FAM135B: variants seen among roughly 807,000 people sequenced by gnomAD.
FAM135B encodes the protein protein FAM135B.
Under a neutral mutation model 127.7 loss-of-function variants are expected in FAM135B, and 43 were observed. That is an observed-to-expected ratio of 0.34 (90% CI 0.26 to 0.43). The LOEUF (loss-of-function observed/expected upper bound fraction) is 0.43, where lower values mean the gene tolerates loss of function less well. Ranked by LOEUF, FAM135B falls within the 20% of genes least tolerant of loss-of-function variation. The pLI is 1.00. For synonymous variants in FAM135B, 670 were observed against 665.1 expected (o/e 1.01, Z -0.11); for missense variants, 1,558 against 1,725.6 (o/e 0.90, Z 1.72).
chr8:138,393,270 G>A (rs753740928), intron 1 of FAM135B, among the ~76,000 whole-genome samples: 1 of 152,054 alleles, frequency 6.6e-6, no homozygotes, highest in Non-Finnish European at 1.5e-5. Flanking sequence ...ACCACATCAG[G>A]TGTTTCTTCC....
Position 138,152,781 on chromosome 8 carries a change from C to T in FAM135B, c.1694G>A (p.Arg565Lys), listed in dbSNP as rs777160080. The T allele has an allele frequency of 1.9e-6, 3 of 1,614,190 alleles. No individual in the cohort carries two copies. Among genetic ancestry groups the T allele is most frequent in the South Asian group, 1.1e-5 (1 of 91,088 alleles). The change falls in exon 13 of 20, where the codon AGA becomes AAA. Residue 565 changes from arginine (R) to lysine (K), a missense_variant. Around this residue, in one of 5 missense-constraint regions of FAM135B, gnomAD observed 923 missense variants for 865.3 expected, o/e 1.07. Coordinates refer to ENST00000395297, the MANE Select transcript of FAM135B (RefSeq NM_015912.4). ...ATTGAAGGCCACCAGGGGTTCAGCT[C>T]TGGAGGGGTTCTTATTGCTAGATTT... ...DVKSSNKNPSRAEPLVAFNAQ... is the reference protein window; with the variant it reads ...DVKSSNKNPSKAEPLVAFNAQ...
intron 1 of FAM135B, among the ~76,000 whole-genome samples, chr8:138,393,139 G>A (rs1832674790): frequency 6.6e-6 from 1 of 152,112 alleles, no homozygotes; most frequent in African/African-American, 2.4e-5. Flanking sequence ...ACTATCACCA[G>A]AACAGCATGG....
At chr8:138,263,104 G>T (rs536254794) in intron 4 of FAM135B, among the ~76,000 whole-genome samples, 45 of 152,030 alleles carry the variant, frequency 3.0e-4, no homozygotes, top group African/African-American at 1.1e-3. Context: ...TGCTGGCAAA[G>T]GTTTAACAAC....
At chr8:138,374,187 C>G (rs1217560682) in intron 1 of FAM135B, among the ~76,000 whole-genome samples, 1 of 152,158 alleles carries the variant, frequency 6.6e-6, no homozygotes, top group African/African-American at 2.4e-5. Flanking sequence ...TGTACTCTGT[C>G]CCTTTATTTC....
chr8:138,369,329 C>T (rs1462902971), intron 1 of FAM135B, among the ~76,000 whole-genome samples: 3 of 152,094 alleles, frequency 2.0e-5, no homozygotes, highest in Non-Finnish European at 4.4e-5. Flanking sequence ...CCTCTTACTG[C>T]CCCCAGATGC....
intron 2 of FAM135B, among the ~76,000 whole-genome samples, chr8:138,356,507 A>T (rs1036901464): frequency 3.9e-5 from 6 of 152,152 alleles, no homozygotes; most frequent in Admixed American, 6.5e-5. Context: ...ACAGAATTTC[A>T]AAATTTTTCT....
At chr8:138,442,267 T>TATATATATATATATATACATATATAC (rs34280434) in intron 1 of FAM135B, among the ~76,000 whole-genome samples, 1 of 86,762 alleles carries the variant, frequency 1.2e-5, no homozygotes, top group African/African-American at 4.5e-5. Context: ...TATATATATA[T>TATATATATATATATATACATATATAC]ATATATATAT....
intron 2 of FAM135B, among the ~76,000 whole-genome samples, chr8:138,344,209 G>T (rs1489615455): frequency 1.3e-5 from 2 of 152,232 alleles, no homozygotes; most frequent in Admixed American, 6.5e-5. Flanking sequence ...AAGATAAGAA[G>T]TGTCAAGGGA....
intron 1 of FAM135B, among the ~76,000 whole-genome samples, chr8:138,381,007 C>A (rs1193191804): frequency 6.6e-6 from 1 of 151,988 alleles, no homozygotes; most frequent in Non-Finnish European, 1.5e-5. Context: ...AGAACATTTG[C>A]ATGGTTTGGG....
chr8:138,444,650 C>A (rs1836002067), intron 1 of FAM135B, among the ~76,000 whole-genome samples: 1 of 152,104 alleles, frequency 6.6e-6, no homozygotes, highest in Admixed American at 6.5e-5. Context: ...ACATTTAAAG[C>A]AGTGTGTAGA....
chr8:138,176,056 C>A (rs1814435424), intron 11 of FAM135B, among the ~76,000 whole-genome samples: 2 of 152,182 alleles, frequency 1.3e-5, no homozygotes, highest in Admixed American at 6.5e-5. Context: ...GAGAAAAAAA[C>A]AAGAAGGACA....
intron 3 of FAM135B, among the ~76,000 whole-genome samples, chr8:138,292,891 GA>G (rs200279249): frequency 9.9e-5 from 15 of 150,966 alleles, no homozygotes; most frequent in African/African-American, 3.4e-4. Context: ...CACAGAATTA[GA>G]AAAAAAAATC....
intron 1 of FAM135B, among the ~76,000 whole-genome samples, chr8:138,491,604 CTCAT>C (rs145147091): frequency 0.011 from 1,630 of 152,220 alleles, 20 homozygotes; most frequent in African/African-American, 0.034. Context: ...CCTACGTTCA[CTCAT>C]TCATTCATTC....
At position 138,298,703 on chromosome 8, in the gene FAM135B, C is replaced by A. The variant is rs1825650146; in HGVS notation, c.157+12138G>T. 3.3e-5 allele frequency among the ~76,000 whole-genome samples: 5 copies of A among 151,956 alleles called. No homozygotes were observed. The South Asian group carries it at 1.0e-3, about 32-fold the overall frequency. ...CAGACTGTCTGAGTTAGAACCCTGACCCCACCTCTTATTATACCTTGGCTA... is the reference window on the plus strand; with the variant it reads ...CAGACTGTCTGAGTTAGAACCCTGAACCCACCTCTTATTATACCTTGGCTA... On this transcript the variant is annotated intron_variant, in intron 3 of 19. Transcript: ENST00000395297.
intron 7 of FAM135B, among the ~76,000 whole-genome samples, chr8:138,207,663 G>A (rs1282100308): frequency 6.6e-6 from 1 of 152,174 alleles, no homozygotes; most frequent in Non-Finnish European, 1.5e-5. Flanking sequence ...CATACTGTGG[G>A]TGAGAAGGCT....
chr8:138,399,671 C>T (rs1005877926), intron 1 of FAM135B, among the ~76,000 whole-genome samples: 3 of 152,124 alleles, frequency 2.0e-5, no homozygotes, highest in Non-Finnish European at 4.4e-5. Flanking sequence ...TCACCACTTC[C>T]TAGAACAATG....
At position 138,311,057 on chromosome 8, in the gene FAM135B, A is replaced by G. The variant is rs144567742; in HGVS notation, c.78-137T>C. 272 of 638,458 alleles carry G rather than the reference A, an allele frequency of 4.3e-4. No homozygotes were observed. The African/African-American group carries it at 4.3e-3, about 10-fold the overall frequency. The allele number at this position is 638,458 out of a possible 1,614,324, so 39.5% of individuals were successfully genotyped here. ...CAGCATGCACAATCATCTGGCATCA[A>G]TGAGAAATGCATTTTATCAGCAGAG... On this transcript the variant is annotated intron_variant, in intron 2 of 19. Coordinates refer to ENST00000395297, the MANE Select transcript of FAM135B (RefSeq NM_015912.4).
chr8:138,204,466 C>G (rs909888869), intron 7 of FAM135B, among the ~76,000 whole-genome samples: 3 of 152,054 alleles, frequency 2.0e-5, no homozygotes, highest in African/African-American at 7.2e-5. Context: ...AAACAATTGG[C>G]ACCTAGATTT....
chr8:138,308,751 G>A (rs1022429765), intron 3 of FAM135B, among the ~76,000 whole-genome samples: 4 of 152,102 alleles, frequency 2.6e-5, no homozygotes, highest in African/African-American at 9.7e-5. Context: ...CACAGCTGGC[G>A]CCTGCCAGCT....
Sources: allele counts gnomAD v4.1 joint callset (sites outside exome capture counted in the v4.1 genomes callset), GRCh38; gene constraint gnomAD v4.1.1; regional missense constraint gnomAD v4.1.1; transcripts MANE v1.5; gene names NCBI Gene and HGNC (gene_info 2026-07-23, HGNC 2026-07-21).